NEO1: variants seen among roughly 807,000 people sequenced by gnomAD.
NEO1 encodes neogenin 1.
In NEO1, 63 loss-of-function variants were observed where a neutral mutation model predicts 159.7. The ratio of observed to expected loss-of-function variants is 0.39; its 90% CI spans 0.32 to 0.49. NEO1 has a LOEUF of 0.49. Among genes scored for constraint, NEO1 ranks in the 20% least tolerant of loss-of-function variants. The probability of loss-of-function intolerance (pLI) is 0.85; values close to 1 mark genes in which losing one functional copy is unlikely to be tolerated. For synonymous variants in NEO1, 633 were observed against 662.0 expected, an observed-to-expected ratio of 0.96 and a Z score of 0.67; for missense variants, 1,615 against 1,831.0, an observed-to-expected ratio of 0.88 and a Z score of 2.15.
At chr15:73,159,102 A>C (rs1904335) in intron 5 of NEO1, among the ~76,000 whole-genome samples, 56,698 of 152,076 alleles carry the variant, frequency 0.37, 12,058 homozygotes, top group East Asian at 0.57. Context: ...TGTCTCAAAA[A>C]TTTTTTTAAA....
At chr15:73,206,097 A>G (rs2037206930) in intron 7 of NEO1, among the ~76,000 whole-genome samples, 1 of 151,800 alleles carries the variant, frequency 6.6e-6, no homozygotes, top group Admixed American at 6.6e-5. Flanking sequence ...AGTAGAGATG[A>G]GGTTTCACCA....
intron 1 of NEO1, among the ~76,000 whole-genome samples, chr15:73,107,825 C>A (rs2070766842): frequency 6.6e-6 from 1 of 152,186 alleles, no homozygotes; most frequent in South Asian, 2.1e-4. Flanking sequence ...GGTGAATGTG[C>A]ATCAGTATTG....
chr15:73,118,524 C>A (rs910250543), intron 2 of NEO1, among the ~76,000 whole-genome samples: 1 of 147,674 alleles, frequency 6.8e-6, no homozygotes, highest in Admixed American at 6.9e-5. Flanking sequence ...TTATTCTCTG[C>A]CTTCCAGCCT....
chr15:73,070,297 C>G (rs944295876), intron 1 of NEO1, among the ~76,000 whole-genome samples: 3 of 152,138 alleles, frequency 2.0e-5, no homozygotes, highest in African/African-American at 7.2e-5. Context: ...GTTTTTAATA[C>G]AGTGGCTTTC....
chr15:73,201,020 T>G lies in NEO1; in HGVS notation c.1291+22593T>G, dbSNP rs144154686. Among the ~76,000 whole-genome samples the G allele has an allele frequency of 3.3e-3, 506 of 152,238 alleles. 2 individuals are homozygous for G. The highest frequency in any genetic ancestry group is 5.2e-3 in the Non-Finnish European group (355 of 68,014). On this transcript the variant is annotated intron_variant, in intron 7 of 28. Transcript: ENST00000261908. ...TTAATGCCCATGAAATGAGTAGTGT[T>G]AGCCCCTCTTTCATATCTGATATTA...
At chr15:73,075,827 A>G (rs2068744300) in intron 1 of NEO1, among the ~76,000 whole-genome samples, 1 of 152,158 alleles carries the variant, frequency 6.6e-6, no homozygotes, top group East Asian at 1.9e-4. Context: ...TTTAACTGGA[A>G]GAAGACCCCC....
intron 4 of NEO1, among the ~76,000 whole-genome samples, chr15:73,131,571 A>G (rs1048884631): frequency 6.6e-6 from 1 of 152,208 alleles, no homozygotes; most frequent in African/African-American, 2.4e-5. Context: ...TGAAGGCACC[A>G]TGTGCCTTAT....
Position 73,129,567 on chromosome 15 carries a change from A to G in NEO1, c.878+2997A>G, listed in dbSNP as rs2151705588. Among the ~76,000 whole-genome samples, 2 of 152,298 alleles carry G rather than the reference A, an allele frequency of 1.3e-5. 1 individual carries two copies. Among genetic ancestry groups the G allele is most frequent in the South Asian group, 4.1e-4 (2 of 4,826 alleles). ...GTTCAGATTTACAATAATCATCGCT[A>G]ATGAAAGAGGGGGGTGGAAATGGAT... is the stretch of plus-strand genomic sequence containing the variant. On this transcript the variant is annotated intron_variant, in intron 4 of 28. Transcript: ENST00000261908.
At chr15:73,126,677 C>G in intron 4 of NEO1, 107 bp downstream of exon 4, 2 of 997,382 alleles carry the variant, frequency 2.0e-6, no homozygotes, top group Non-Finnish European at 2.9e-6. Context: ...TTTATTTAAA[C>G]ACATCATAAT....
intron 1 of NEO1, among the ~76,000 whole-genome samples, chr15:73,113,802 A>AC (rs2071137966): frequency 6.6e-6 from 1 of 152,128 alleles, no homozygotes; most frequent in African/African-American, 2.4e-5. Context: ...TTTTAAAATG[A>AC]AATATATATA....
At chr15:73,262,933 C>T (rs1296204703) in intron 15 of NEO1, among the ~76,000 whole-genome samples, 88 of 152,038 alleles carry the variant, frequency 5.8e-4, no homozygotes, top group South Asian at 2.1e-4. Context: ...TGACCAAAGA[C>T]GTCAAACACT....
At chr15:73,271,809 A>G (rs1324146796) in intron 18 of NEO1, among the ~76,000 whole-genome samples, 1 of 151,810 alleles carries the variant, frequency 6.6e-6, no homozygotes, top group Non-Finnish European at 1.5e-5. Context: ...CGGTAGGCTA[A>G]GGCACGAGAA....
At chr15:73,244,982 A>AAAAAAAC (rs1567586974) in intron 9 of NEO1, among the ~76,000 whole-genome samples, 2 of 148,432 alleles carry the variant, frequency 1.3e-5, no homozygotes, top group African/African-American at 4.9e-5. Flanking sequence ...AAAAAAAAAA[A>AAAAAAAC]ACAACAGCAA....
At chr15:73,159,919 CTTG>C in intron 5 of NEO1, among the ~76,000 whole-genome samples, 1 of 152,234 alleles carries the variant, frequency 6.6e-6, no homozygotes, top group Middle Eastern at 3.4e-3. Context: ...TTCTCATACT[CTTG>C]TTATTTGCAT....
chr15:73,107,768 T>G (rs2070765113), intron 1 of NEO1, among the ~76,000 whole-genome samples: 1 of 152,226 alleles, frequency 6.6e-6, no homozygotes, highest in Non-Finnish European at 1.5e-5. Context: ...AAAGTGGAAC[T>G]GAAAAATACT....
chr15:73,233,089 A>G (rs182099965), intron 7 of NEO1, among the ~76,000 whole-genome samples: 26 of 152,268 alleles, frequency 1.7e-4, no homozygotes, highest in Non-Finnish European at 2.9e-4. Flanking sequence ...TAAAGTCCCA[A>G]TCTACATCAT....
intron 14 of NEO1, among the ~76,000 whole-genome samples, chr15:73,259,475 C>T (rs1180697456): frequency 6.6e-6 from 1 of 151,586 alleles, no homozygotes; most frequent in Non-Finnish European, 1.5e-5. Context: ...GATCCTCCCA[C>T]CTCAGCCTCC....
At chr15:73,175,032 T>C (rs1338088844) in intron 5 of NEO1, among the ~76,000 whole-genome samples, 1 of 152,144 alleles carries the variant, frequency 6.6e-6, no homozygotes, top group Non-Finnish European at 1.5e-5. Flanking sequence ...TTTACCTAAG[T>C]TATGTAGCTA....
chr15:73,110,998 A>AT (rs1435804107), intron 1 of NEO1, among the ~76,000 whole-genome samples: 1 of 152,190 alleles, frequency 6.6e-6, no homozygotes, highest in Non-Finnish European at 1.5e-5. Context: ...GAAAAAAAAG[A>AT]TAAGAAGAAT....
Sources: gnomAD v4.1 joint callset for allele counts (sites outside exome capture counted in the v4.1 genomes callset) on GRCh38, gnomAD v4.1.1 for gene constraint, MANE v1.5 for transcripts, NCBI Gene and HGNC (gene_info 2026-07-23, HGNC 2026-07-21) for gene names.